Variants in PDS5A observed in about 807,000 individuals in gnomAD.
PDS5A encodes PDS5 cohesin associated factor A.
PDS5A carries 42 observed loss-of-function variants against 167.1 expected under a neutral mutation model. The ratio of observed to expected loss-of-function variants is 0.25; its 90% CI spans 0.20 to 0.33. The LOEUF (loss-of-function observed/expected upper bound fraction) is 0.33, where lower values mean the gene tolerates loss of function less well. PDS5A is among the 10% of genes least tolerant of loss of function. The probability of loss-of-function intolerance (pLI) is 1.00; values close to 1 mark genes in which losing one functional copy is unlikely to be tolerated. For synonymous variants in PDS5A, 553 were observed against 554.6 expected, an observed-to-expected ratio of 1.00 and a Z score of 0.04; for missense variants, 1,033 against 1,605.9, an observed-to-expected ratio of 0.64 and a Z score of 6.10.
At position 39,827,451 on chromosome 4, in the gene PDS5A, T is replaced by A. The variant is rs146922919; in HGVS notation, c.4011-1963A>T. Among the ~76,000 whole-genome samples the A allele has an allele frequency of 4.3e-3, 648 of 152,350 alleles. 4 individuals are homozygous for A. The highest frequency in any genetic ancestry group is 0.015 in the African/African-American group (626 of 41,588). The stretch of plus-strand genomic sequence containing the variant: ...CTTGATTCTATGTACCAAGATGAAC[T>A]GCCATCACTGCAAGCACTTGGCTTC... On this transcript the variant is annotated intron_variant, in intron 32 of 32. Coordinates refer to ENST00000303538, the MANE Select transcript of PDS5A (RefSeq NM_001100399.2).
intron 2 of PDS5A, among the ~76,000 whole-genome samples, chr4:39,959,761 C>G (rs1404014624): frequency 1.3e-5 from 2 of 151,838 alleles, no homozygotes; most frequent in African/African-American, 2.4e-5. Context: ...TTGAGACCAG[C>G]CTGGCCAACA....
intron 20 of PDS5A, 51 bp downstream of exon 20, chr4:39,874,238 G>C: frequency 1.3e-6 from 2 of 1,499,818 alleles, no homozygotes; most frequent in Admixed American, 3.7e-5. Context: ...TCAAACTATA[G>C]AGCTTAAAAA....
chr4:39,854,151 A>C (rs1718343936), intron 26 of PDS5A, among the ~76,000 whole-genome samples: 1 of 152,026 alleles, frequency 6.6e-6, no homozygotes, highest in Admixed American at 6.6e-5. Context: ...AAAAATACAA[A>C]AATTAGCTGG....
In PDS5A at chr4:39,866,989, T is replaced by G; in HGVS notation, c.2514A>C (p.Ala838=). 2 of 1,599,158 alleles carry G rather than the reference T, an allele frequency of 1.3e-6. No individual in the cohort carries two copies. The highest frequency in any genetic ancestry group is 2.3e-5 in the South Asian group (2 of 87,842). The change falls in exon 23 of 33, where the codon GCA becomes GCC. Residue 838 remains alanine (A), a synonymous_variant. Coordinates refer to ENST00000303538, the MANE Select transcript of PDS5A (RefSeq NM_001100399.2). ...VSPEVLAKVQ[A]IKLLVRWLLG... is the part of the protein sequence containing the mutation. ...ACAGCCACCTTACCAGAAGTTTAATTGCCTGTACCTATAAAATATTAACAT... is the reference window on the plus strand; with the variant it reads ...ACAGCCACCTTACCAGAAGTTTAATGGCCTGTACCTATAAAATATTAACAT...
intron 9 of PDS5A, among the ~76,000 whole-genome samples, chr4:39,913,000 A>G (rs2109689516): frequency 6.6e-6 from 1 of 152,316 alleles, no homozygotes; most frequent in East Asian, 1.9e-4. Flanking sequence ...AGGTTCTTAA[A>G]TTTGGATCAG....
chr4:39,923,985 C>T (rs764644412), intron 5 of PDS5A, among the ~76,000 whole-genome samples: 6 of 152,040 alleles, frequency 3.9e-5, no homozygotes, highest in Non-Finnish European at 5.9e-5. Flanking sequence ...AAATGTCATC[C>T]TAGTACCTCC....
At chr4:39,889,365 G>A (rs1721773176) in intron 17 of PDS5A, among the ~76,000 whole-genome samples, 1 of 152,202 alleles carries the variant, frequency 6.6e-6, no homozygotes, top group Non-Finnish European at 1.5e-5. Context: ...TTCAGGCCAG[G>A]CACTGGGGTA....
chr4:39,977,641 G>A lies in PDS5A; in HGVS notation c.-225C>T, dbSNP rs954753704. ...GCCGAGGAGGAGCAGCCGCCGCGGG[G>A]GGAGACGCGGGGCGAGTGAGCGCTG... On this transcript the variant is annotated 5_prime_UTR_variant, in exon 1 of 33. Transcript: ENST00000303538. The surrounding 1 kb of genome is among the most constrained non-coding windows in gnomAD (Gnocchi z 4.2). 3.3e-5 allele frequency: 5 copies of A among 152,298 alleles called. No homozygotes were observed. Among genetic ancestry groups the A allele is most frequent in the African/African-American group, 1.2e-4 (5 of 41,232 alleles). The allele number at this position is 152,298 out of a possible 1,614,324, so 9.4% of individuals were successfully genotyped here.
At chr4:39,938,697 C>G (rs745999591) in intron 2 of PDS5A, among the ~76,000 whole-genome samples, 3 of 152,082 alleles carry the variant, frequency 2.0e-5, no homozygotes, top group Admixed American at 6.6e-5. Context: ...TTAGGCCAGG[C>G]GCAGTAGCTC....
intron 2 of PDS5A, among the ~76,000 whole-genome samples, chr4:39,964,847 G>A (rs1429230265): frequency 6.6e-6 from 1 of 152,046 alleles, no homozygotes; most frequent in Non-Finnish European, 1.5e-5. Flanking sequence ...GGAGGCTGAG[G>A]CAGGACAATC....
intron 2 of PDS5A, among the ~76,000 whole-genome samples, chr4:39,962,939 G>T (rs943275673): frequency 1.3e-5 from 2 of 151,938 alleles, no homozygotes; most frequent in Non-Finnish European, 2.9e-5. Context: ...TACAGCCTGG[G>T]CGACAGAGCA....
chr4:39,883,530 A>G (rs986079955), intron 17 of PDS5A, among the ~76,000 whole-genome samples: 10 of 152,144 alleles, frequency 6.6e-5, no homozygotes, highest in Non-Finnish European at 1.5e-4. Flanking sequence ...TTATTTAGTC[A>G]AAAACAACAG....
intron 9 of PDS5A, 65 bp from the exon 10 acceptor site, chr4:39,910,403 A>T: frequency 2.5e-6 from 2 of 800,612 alleles, no homozygotes; most frequent in South Asian, 1.5e-5. Flanking sequence ...AATCAGGTAT[A>T]TCTAACATGA....
intron 2 of PDS5A, among the ~76,000 whole-genome samples, chr4:39,938,592 T>C (rs543650570): frequency 6.6e-6 from 1 of 152,206 alleles, no homozygotes; most frequent in South Asian, 2.1e-4. Context: ...GTTTTTATTT[T>C]AACAACAGCA....
intron 32 of PDS5A, among the ~76,000 whole-genome samples, chr4:39,830,973 C>T (rs559216429): frequency 3.9e-5 from 6 of 152,240 alleles, no homozygotes; most frequent in East Asian, 1.9e-4. Flanking sequence ...CAATGGCTCA[C>T]GCCTATAATC....
chr4:39,832,797 A>G (rs1244708091), intron 32 of PDS5A, among the ~76,000 whole-genome samples: 1 of 151,922 alleles, frequency 6.6e-6, no homozygotes, highest in African/African-American at 2.4e-5. Context: ...CTCATAGAAC[A>G]AAGTGAGCCA....
In PDS5A at chr4:39,862,279, A is replaced by G; in HGVS notation, c.3026T>C (p.Leu1009Pro). The G allele has an allele frequency of 6.5e-7, 1 of 1,542,600 alleles. No homozygotes were observed. Among genetic ancestry groups the G allele is most frequent in the Non-Finnish European group, 8.8e-7 (1 of 1,137,860 alleles). Residue 1009 changes from leucine (L) to proline (P), a missense_variant, in exon 26 of 33, where the codon CTA (leucine) becomes CCA (proline). Physicochemically the swap from Leu to Pro is moderately conservative, Grantham distance 98 (BLOSUM62 -3). Coordinates refer to ENST00000303538, the MANE Select transcript of PDS5A (RefSeq NM_001100399.2). ...EYVVPYMIHL[L>P]AHDPDFTRSQ... ...TCTTGTAAAATCTGGATCATGGGCTAGCAGGTGAATCATGTATGGAACTAC... is the reference window on the plus strand; with the variant it reads ...TCTTGTAAAATCTGGATCATGGGCTGGCAGGTGAATCATGTATGGAACTAC...
chr4:39,931,863 C>G (rs966154266), intron 2 of PDS5A, among the ~76,000 whole-genome samples: 1 of 150,940 alleles, frequency 6.6e-6, no homozygotes, highest in African/African-American at 2.4e-5. Context: ...AGTCTTCTTC[C>G]ACAATGACTC....
chr4:39,895,199 CAAAAAAAA>C (rs34303340), intron 16 of PDS5A, among the ~76,000 whole-genome samples: 2 of 93,416 alleles, frequency 2.1e-5, no homozygotes, highest in African/African-American at 7.8e-5. Context: ...GACTCCGTCT[CAAAAAAAA>C]AAAAAAAAAA....
Sources: gnomAD v4.1 joint callset for allele counts (sites outside exome capture counted in the v4.1 genomes callset) on GRCh38, gnomAD v4.1.1 for gene constraint, Gnocchi (gnomAD v3.1) non-coding constraint, MANE v1.5 for transcripts, NCBI Gene and HGNC (gene_info 2026-07-23, HGNC 2026-07-21) for gene names.